EXD3: variants seen among roughly 807,000 people sequenced by gnomAD.
EXD3 encodes exonuclease 3'-5' domain containing 3, also known as exonuclease mut-7 homolog.
EXD3 carries 92 observed loss-of-function variants against 98.0 expected under a neutral mutation model. The observed-to-expected ratio is 0.94, with a 90% confidence interval of 0.79 to 1.12. The LOEUF is 1.12. Ranked by LOEUF, EXD3 falls within the 50% of genes most tolerant of loss-of-function variation. The pLI is 0.00. For missense variants in EXD3, 1,222 were observed against 1,191.6 expected, an observed-to-expected ratio of 1.03 and a Z score of -0.38; for synonymous variants, 569 against 526.0, an observed-to-expected ratio of 1.08 and a Z score of -1.12.
chr9:137,312,256 G>A lies in EXD3; in HGVS notation c.2185-2556C>T, dbSNP rs568128852. 3.1e-4 allele frequency among the ~76,000 whole-genome samples: 47 copies of A among 151,720 alleles called. No individual in the cohort carries two copies. The East Asian group carries it at 4.9e-3, about 16-fold the overall frequency. The stretch of plus-strand genomic sequence containing the variant: ...CCCCCTCCAGTCTGAGAGCCCGAGG[G>A]CAGGCAGCCACCACCCCCAGAGCCT... On this transcript the variant is annotated intron_variant, in intron 19 of 21. Coordinates refer to ENST00000340951, the MANE Select transcript of EXD3 (RefSeq NM_017820.5).
intron 8 of EXD3, among the ~76,000 whole-genome samples, chr9:137,355,271 C>T (rs1327639579): frequency 5.3e-5 from 8 of 152,154 alleles, no homozygotes; most frequent in Admixed American, 4.6e-4. Flanking sequence ...CACAGTCTGG[C>T]TGAGCCCTTT....
At chr9:137,328,485 A>ACGAATAAACACCCATATGATG (rs1336695260) in intron 17 of EXD3, among the ~76,000 whole-genome samples, 1 of 151,746 alleles carries the variant, frequency 6.6e-6, no homozygotes, top group African/African-American at 2.4e-5. Flanking sequence ...AGTAAAAACA[A>ACGAATAAACACCCATATGATG]AAGTAAAAAC....
In EXD3 at chr9:137,370,652, C is replaced by T. The variant is rs150194636; in HGVS notation, c.462+2253G>A. On this transcript the variant is annotated intron_variant, in intron 5 of 21. Transcript: ENST00000340951. ...CAGGAGGGGCTGTGGTATCGACCAT[C>T]GGGAAGGGCATTCCCCGGCTCCCCT... Among the ~76,000 whole-genome samples the T allele has an allele frequency of 4.1e-3, 626 of 151,404 alleles. 7 individuals carry two copies. Among genetic ancestry groups the T allele is most frequent in the African/African-American group, 0.014 (598 of 41,334 alleles).
rs553059887 is a variant in EXD3 at position 137,349,613 on chromosome 9, G to A, written c.1495-82C>T. 9.1e-5 allele frequency: 127 copies of A among 1,393,534 alleles called. 3 individuals carry two copies. The South Asian group carries it at 1.6e-3, about 18-fold the overall frequency. The allele number at this position is 1,393,534 out of a possible 1,614,324, so 86.3% of individuals were successfully genotyped here. A position where few individuals can be genotyped will look rare whatever the true frequency, so the allele number is the denominator to read the frequency against. ...CCGTGCCCACTCACACCAGCCCTGC[G>A]GGGGCTCTGGAGGAGGCCCCGCCCC... is the stretch of plus-strand genomic sequence containing the variant. On this transcript the variant is annotated intron_variant, in intron 14 of 21. Coordinates refer to ENST00000340951, the MANE Select transcript of EXD3 (RefSeq NM_017820.5). The surrounding 1 kb of genome is among the most constrained non-coding windows in gnomAD (Gnocchi z 7.4).
intron 17 of EXD3, among the ~76,000 whole-genome samples, chr9:137,325,944 G>A (rs1832376585): frequency 6.6e-6 from 1 of 152,006 alleles, no homozygotes; most frequent in Non-Finnish European, 1.5e-5. Context: ...AAAAAAACTA[G>A]CCAGGCGTGC....
chr9:137,346,902 T>C (rs1833966745), intron 17 of EXD3, among the ~76,000 whole-genome samples: 1 of 152,008 alleles, frequency 6.6e-6, no homozygotes, highest in Non-Finnish European at 1.5e-5. Context: ...CTGCCACCTC[T>C]GCCTCCCGGG....
At chr9:137,420,091 C>T (rs1442380603) in intron 1 of EXD3, among the ~76,000 whole-genome samples, 1 of 151,676 alleles carries the variant, frequency 6.6e-6, no homozygotes, top group South Asian at 2.1e-4. Flanking sequence ...ACCCGGGAGG[C>T]GGAGCTGGCA....
intron 17 of EXD3, among the ~76,000 whole-genome samples, chr9:137,339,744 T>G (rs1833552571): frequency 6.6e-6 from 1 of 152,138 alleles, no homozygotes; most frequent in Non-Finnish European, 1.5e-5. Context: ...ACAGCAAATG[T>G]GGAATCATGG....
chr9:137,353,957 C>T, intron 10 of EXD3: 1 of 1,070,302 alleles, frequency 9.3e-7, no homozygotes, highest in Non-Finnish European at 1.1e-6. Context: ...CCGGCCGGCT[C>T]TGCGCTGGCA....
At chr9:137,367,682 G>A in intron 6 of EXD3, 3 of 454,030 alleles carry the variant, frequency 6.6e-6, no homozygotes, top group South Asian at 4.9e-5. Flanking sequence ...CCCAGCTGCT[G>A]CACGGAGCAC....
intron 17 of EXD3, among the ~76,000 whole-genome samples, chr9:137,341,628 G>A (rs77467082): frequency 1.5e-4 from 10 of 68,492 alleles, no homozygotes; most frequent in South Asian, 6.9e-4. Context: ...CAGAGGAAAC[G>A]GGGCTCAGGC....
Position 137,373,596 on chromosome 9 carries a change from G to C in EXD3, c.124C>G (p.Arg42Gly). 1 of 1,596,038 alleles carries C rather than the reference G, an allele frequency of 6.3e-7. No homozygotes were observed. The highest frequency in any genetic ancestry group is 1.3e-5 in the African/African-American group (1 of 74,586). The change falls in exon 4 of 22, where the codon CGG (arginine) becomes GGG (glycine). Residue 42 changes from arginine to glycine, a missense_variant. Coordinates refer to ENST00000340951, the MANE Select transcript of EXD3 (RefSeq NM_017820.5). ...LWSTRERKQL[R>G]EEAWRGFAAL... ...GCAAACCCCCGCCAGGCTTCCTCCCGGAGCTGTGGAGACACAAAACCACAC... is the reference window on the plus strand; with the variant it reads ...GCAAACCCCCGCCAGGCTTCCTCCCCGAGCTGTGGAGACACAAAACCACAC...
At chr9:137,422,848 C>T (rs563796628) in intron 1 of EXD3, among the ~76,000 whole-genome samples, 1 of 152,136 alleles carries the variant, frequency 6.6e-6, no homozygotes, top group African/African-American at 2.4e-5. Context: ...GCAGGCCCTG[C>T]GGGACAGGGC....
In EXD3 at chr9:137,352,751, C is replaced by T; in HGVS notation, c.906G>A (p.Gln302=). Residue 302 remains glutamine, a synonymous_variant, in exon 11 of 22, where the codon CAG becomes CAA. Coordinates refer to ENST00000340951, the MANE Select transcript of EXD3 (RefSeq NM_017820.5). The part of the protein sequence containing the change: ...LVGQSPWLQE[Q]LSQLLVSHSD... ...TGTGGGAGACCAGCAGCTGAGACAGCTGCTCCTGAAGCCACGGGCTCTGCC... is the reference window on the plus strand; with the variant it reads ...TGTGGGAGACCAGCAGCTGAGACAGTTGCTCCTGAAGCCACGGGCTCTGCC... 6.3e-7 allele frequency: 1 copy of T among 1,578,314 alleles called. No homozygotes were observed. Among genetic ancestry groups the T allele is most frequent in the Non-Finnish European group, 8.6e-7 (1 of 1,163,974 alleles).
At chr9:137,327,104 A>T (rs1832448501) in intron 17 of EXD3, among the ~76,000 whole-genome samples, 1 of 149,730 alleles carries the variant, frequency 6.7e-6, no homozygotes, top group Non-Finnish European at 1.5e-5. Context: ...GGCTAGAAGG[A>T]GGGGAGGGGA....
Position 137,398,036 on chromosome 9 carries a change from A to G in EXD3, c.-47-2632T>C, listed in dbSNP as rs138100970. Among the ~76,000 whole-genome samples, 1,121 of 152,350 alleles carry G rather than the reference A, an allele frequency of 7.4e-3. 17 individuals carry two copies. Among genetic ancestry groups the G allele is most frequent in the African/African-American group, 0.026 (1,065 of 41,576 alleles). On this transcript the variant is annotated intron_variant, in intron 1 of 21. Transcript: ENST00000340951. ...AAGATTATATGAAACTACATAAAAG[A>G]GCTAAATGGAAACTCGGCAATAAAA...
intron 17 of EXD3, among the ~76,000 whole-genome samples, chr9:137,339,283 C>T (rs949204205): frequency 6.6e-6 from 1 of 151,804 alleles, no homozygotes; most frequent in Admixed American, 6.6e-5. Context: ...GAAAACTTCC[C>T]AATGTATTTA....
chr9:137,307,730 G>A (rs998491701), intron 20 of EXD3, 84 bp from the exon 21 acceptor site: 6 of 1,510,582 alleles, frequency 4.0e-6, no homozygotes, highest in South Asian at 2.3e-5. Flanking sequence ...GCAGCCATGC[G>A]GCTGAGCACA....
At position 137,407,879 on chromosome 9, in the gene EXD3, G is replaced by A. The variant is rs922403821; in HGVS notation, c.-47-12475C>T. Among the ~76,000 whole-genome samples, 4 of 152,158 alleles carry A rather than the reference G, an allele frequency of 2.6e-5. No individual in the cohort carries two copies. Among genetic ancestry groups the A allele is most frequent in the Non-Finnish European group, 5.9e-5 (4 of 68,008 alleles). On this transcript the variant is annotated intron_variant, in intron 1 of 21. Coordinates refer to ENST00000340951, the MANE Select transcript of EXD3 (RefSeq NM_017820.5). This position sits in a 1 kb window ranked among gnomAD's most constrained non-coding sequence, Gnocchi z 4.4. The stretch of plus-strand genomic sequence containing the variant: ...GCAAAGGGTCTGGGGGGAGGCCGGA[G>A]GGGGCTTTCCCCTTGGGCACCATGG...
Sources: allele counts gnomAD v4.1 joint callset (sites outside exome capture counted in the v4.1 genomes callset), GRCh38; gene constraint gnomAD v4.1.1; non-coding constraint Gnocchi (gnomAD v3.1); transcripts MANE v1.5; gene names NCBI Gene and HGNC (gene_info 2026-07-23, HGNC 2026-07-21).